The following PYGB variants were observed in gnomAD, a reference collection of about 807,000 sequenced individuals.
PYGB encodes the protein glycogen phosphorylase B.
In PYGB, 82 loss-of-function variants were observed where a neutral mutation model predicts 94.3. The ratio of observed to expected loss-of-function variants is 0.87; its 90% CI spans 0.73 to 1.04. The LOEUF is 1.04. Among genes scored for constraint, PYGB ranks in the 50% least tolerant of loss-of-function variants. The probability of loss-of-function intolerance (pLI) is 0.00; values close to 1 mark genes in which losing one functional copy is unlikely to be tolerated. For synonymous variants in PYGB, 488 were observed against 479.1 expected, an observed-to-expected ratio of 1.02 and a Z score of -0.24; for missense variants, 1,132 against 1,158.2, an observed-to-expected ratio of 0.98 and a Z score of 0.33.
Position 25,271,383 on chromosome 20 carries a change from C to A in PYGB, c.425C>A (p.Ala142Glu). ...LGNGGLGRLA[A>E]CFLDSMATLG... ...ACTGATTTGTGATTGATTTTTTCAGCGTGTTTCCTTGACTCAATGGCTACC... is the reference window on the plus strand; with the variant it reads ...ACTGATTTGTGATTGATTTTTTCAGAGTGTTTCCTTGACTCAATGGCTACC... The change falls in exon 4 of 20, where the codon GCG (alanine) becomes GAG (glutamate). Residue 142 changes from alanine (A) to glutamate (E), a missense_variant and splice_region_variant. By Grantham distance (107) the Ala-to-Glu change is moderately radical (BLOSUM62 -1). Coordinates refer to ENST00000216962, the MANE Select transcript of PYGB (RefSeq NM_002862.4). 1 of 1,613,728 alleles carries A rather than the reference C, an allele frequency of 6.2e-7. No individual in the cohort carries two copies. Among genetic ancestry groups the A allele is most frequent in the Non-Finnish European group, 8.5e-7 (1 of 1,179,670 alleles).
chr20:25,273,498 G>T lies in PYGB; in HGVS notation c.529-1094G>T, dbSNP rs570955802. On this transcript the variant is annotated intron_variant, in intron 4 of 19. Transcript: ENST00000216962. ...ACTAGGGCTGCCTGTTCATTCTGAAGAGAAGAGACTTGATCTCATTTCAGT... is the reference window on the plus strand; with the variant it reads ...ACTAGGGCTGCCTGTTCATTCTGAATAGAAGAGACTTGATCTCATTTCAGT... Among the ~76,000 whole-genome samples, 4 of 152,346 alleles carry T rather than the reference G, an allele frequency of 2.6e-5. No individual in the cohort carries two copies. In the South Asian group the frequency reaches 8.3e-4, roughly 32 times the overall value.
chr20:25,256,495 C>CAAAAAA (rs1240050396), intron 1 of PYGB, among the ~76,000 whole-genome samples: 3 of 120,050 alleles, frequency 2.5e-5, no homozygotes, highest in Admixed American at 8.1e-5. Context: ...AACTCTGTCT[C>CAAAAAA]AAAAAAAAAA....
In PYGB at chr20:25,278,313, G is replaced by A. The variant is rs766414951; in HGVS notation, c.856-6G>A. 12 of 1,384,290 alleles carry A rather than the reference G, an allele frequency of 8.7e-6. No homozygotes were observed. Among genetic ancestry groups the A allele is most frequent in the Non-Finnish European group, 1.0e-5 (11 of 1,051,778 alleles). The allele number at this position is 1,384,290 out of a possible 1,614,324, so 85.8% of individuals were successfully genotyped here. A position where few individuals can be genotyped will look rare whatever the true frequency, so the allele number is the denominator to read the frequency against. On this transcript the variant is annotated splice_region_variant and splice_polypyrimidine_tract_variant and intron_variant, in intron 7 of 19. Coordinates refer to ENST00000216962, the MANE Select transcript of PYGB (RefSeq NM_002862.4). ...TGCACCCTCCAGCTTGCTCTGCTGT[G>A]TGCAGTTCTTTGAGGGGAAGGAGCT...
chr20:25,271,894 T>C (rs913196789), intron 4 of PYGB, among the ~76,000 whole-genome samples: 1 of 152,240 alleles, frequency 6.6e-6, no homozygotes, highest in Non-Finnish European at 1.5e-5. Flanking sequence ...CCCTAAGTAG[T>C]TAGAAGAGCA....
In PYGB at chr20:25,296,455, C is replaced by A. The variant is rs2088546968; in HGVS notation, c.2465C>A (p.Ala822Glu). The A allele has an allele frequency of 6.2e-7, 1 of 1,614,040 alleles. No homozygotes were observed. The highest frequency in any genetic ancestry group is 1.3e-5 in the African/African-American group (1 of 75,066). Residue 822 changes from alanine to glutamate, a missense_variant, in exon 20 of 20, where the codon GCA becomes GAA. Transcript: ENST00000216962. ...AGTGACCGGACCATCACGGAGTATG[C>A]ACGGGAGATCTGGGGTGTGGAGCCC... The part of the protein sequence containing the change: ...FSSDRTITEY[A>E]REIWGVEPSD...
chr20:25,294,188 G>A lies in PYGB; in HGVS notation c.2208G>A (p.Leu736=). The A allele has an allele frequency of 1.2e-6, 2 of 1,613,934 alleles. No individual in the cohort carries two copies. Among genetic ancestry groups the A allele is most frequent in the Non-Finnish European group, 8.5e-7 (1 of 1,180,040 alleles). Residue 736 remains leucine, a synonymous_variant, in exon 18 of 20, where the codon CTG becomes CTA. Transcript: ENST00000216962. ...ATGCCAGGGAGTACTACGACCACCT[G>A]CCCGAGCTGAAGCAGGCCGTGGACC... is the stretch of plus-strand genomic sequence containing the variant. The part of the protein sequence containing the change: ...GYNAREYYDH[L]PELKQAVDQI...
At chr20:25,283,343 C>T (rs2088386790) in intron 13 of PYGB, 66 bp downstream of exon 13, 1 of 1,401,756 alleles carries the variant, frequency 7.1e-7, no homozygotes, top group Non-Finnish European at 9.9e-7. Flanking sequence ...AGGCCCTGGC[C>T]CTAGCCCTCC....
At chr20:25,283,635 G>A (rs2088389631) in intron 13 of PYGB, among the ~76,000 whole-genome samples, 1 of 152,228 alleles carries the variant, frequency 6.6e-6, no homozygotes, top group Non-Finnish European at 1.5e-5. Context: ...AGCTGTGCAG[G>A]TGCACGAGCT....
At chr20:25,281,220 G>T in intron 11 of PYGB, 108 bp downstream of exon 11, 1 of 1,398,238 alleles carries the variant, frequency 7.2e-7, no homozygotes, top group Admixed American at 2.1e-5. Flanking sequence ...TACAACCTGT[G>T]CCACTAGGCC....
At chr20:25,272,748 C>G (rs536046988) in intron 4 of PYGB, among the ~76,000 whole-genome samples, 1 of 152,206 alleles carries the variant, frequency 6.6e-6, no homozygotes, top group African/African-American at 2.4e-5. Flanking sequence ...CTGCCCCAGC[C>G]CTCCGCGTGC....
intron 1 of PYGB, among the ~76,000 whole-genome samples, chr20:25,257,093 T>G (rs920850080): frequency 2.6e-5 from 4 of 152,212 alleles, no homozygotes; most frequent in Admixed American, 2.6e-4. Flanking sequence ...CAAGTCTGCA[T>G]TTTCTTGGCC....
chr20:25,248,783 CTCTT>C (rs1426787606), intron 1 of PYGB, among the ~76,000 whole-genome samples: 6 of 152,272 alleles, frequency 3.9e-5, no homozygotes, highest in Non-Finnish European at 8.8e-5. Flanking sequence ...CCTCCAGCCA[CTCTT>C]TGTTTTCCTG....
intron 17 of PYGB, 22 bp from the exon 18 acceptor site, chr20:25,294,136 C>G: frequency 6.2e-7 from 1 of 1,611,892 alleles, no homozygotes; most frequent in Non-Finnish European, 8.5e-7. Context: ...TGGCTGCTGA[C>G]TCCTGGCCCA....
chr20:25,259,463 C>T lies in PYGB; in HGVS notation c.345+125C>T, dbSNP rs899404487. The T allele has an allele frequency of 3.3e-5, 23 of 702,458 alleles. No homozygotes were observed. The East Asian group carries it at 3.9e-4, about 12-fold the overall frequency. The allele number at this position is 702,458 out of a possible 1,614,324, so 43.5% of individuals were successfully genotyped here. A position where few individuals can be genotyped will look rare whatever the true frequency, so the allele number is the denominator to read the frequency against. On this transcript the variant is annotated intron_variant, in intron 2 of 19. Coordinates refer to ENST00000216962, the MANE Select transcript of PYGB (RefSeq NM_002862.4). ...AGCTATCTGGGAATCGGGAGATTTACGGCCTGTTCTCCCCTCCTGGAAGGA... is the reference window on the plus strand; with the variant it reads ...AGCTATCTGGGAATCGGGAGATTTATGGCCTGTTCTCCCCTCCTGGAAGGA...
In PYGB at chr20:25,297,363, A is replaced by G. The variant is rs2088564004; in HGVS notation, c.*841A>G. On this transcript the variant is annotated 3_prime_UTR_variant, in exon 20 of 20. Coordinates refer to ENST00000216962, the MANE Select transcript of PYGB (RefSeq NM_002862.4). ...TAGCAACTGAAAATTGTACTTGGTCACTTTTGTGCTTGAGGAGGCCCATTT... is the reference window on the plus strand; with the variant it reads ...TAGCAACTGAAAATTGTACTTGGTCGCTTTTGTGCTTGAGGAGGCCCATTT... 1 of 152,374 alleles carries G rather than the reference A, an allele frequency of 6.6e-6. No individual in the cohort carries two copies. Among genetic ancestry groups the G allele is most frequent in the African/African-American group, 2.4e-5 (1 of 41,450 alleles). 9.4% of individuals were successfully genotyped at this position (152,374 alleles called of 1,614,324 possible).
intron 2 of PYGB, among the ~76,000 whole-genome samples, chr20:25,263,731 G>C (rs2092918578): frequency 1.3e-5 from 2 of 152,160 alleles, no homozygotes; most frequent in Non-Finnish European, 2.9e-5. Context: ...ACTAAACCAG[G>C]AAGAAGTTGA....
chr20:25,295,342 G>T (rs2088524781), intron 18 of PYGB, among the ~76,000 whole-genome samples: 1 of 152,264 alleles, frequency 6.6e-6, no homozygotes, highest in African/African-American at 2.4e-5. Context: ...CGTTTTAAAT[G>T]CCAGTTTATT....
At chr20:25,280,844 A>T in intron 10 of PYGB, 105 bp from the exon 11 acceptor site, 1 of 1,423,588 alleles carries the variant, frequency 7.0e-7, no homozygotes, top group Non-Finnish European at 9.6e-7. Flanking sequence ...TGGAGGCAGC[A>T]GAGCTTCCCA....
chr20:25,280,480 C>CT, intron 10 of PYGB, 68 bp downstream of exon 10: 2 of 1,559,580 alleles, frequency 1.3e-6, no homozygotes, highest in Non-Finnish European at 1.8e-6. Context: ...CCCACCTGGC[C>CT]TGGGAGAGGA....
Sources: allele counts gnomAD v4.1 joint callset (sites outside exome capture counted in the v4.1 genomes callset), GRCh38; gene constraint gnomAD v4.1.1; transcripts MANE v1.5; gene names NCBI Gene and HGNC (gene_info 2026-07-23, HGNC 2026-07-21).